The following MINDY3 variants were observed in gnomAD, a reference collection of about 807,000 sequenced individuals.
MINDY3 encodes ubiquitin carboxyl-terminal hydrolase MINDY-3.
MINDY3 carries 38 observed loss-of-function variants against 69.2 expected under a neutral mutation model. That is an observed-to-expected ratio of 0.55 (90% CI 0.42 to 0.72). The LOEUF is 0.72. MINDY3 is among the 30% of genes least tolerant of loss of function. MINDY3 has a pLI of 0.00. For synonymous variants in MINDY3, 192 were observed against 180.1 expected (o/e 1.07, Z -0.53); for missense variants, 522 against 519.0 (o/e 1.01, Z -0.06).
intron 3 of MINDY3, among the ~76,000 whole-genome samples, chr10:15,842,515 T>G (rs117462331): frequency 6.6e-6 from 1 of 151,886 alleles, no homozygotes; most frequent in Admixed American, 6.6e-5. Context: ...TTAAAACTTA[T>G]GGAAGTGATC....
At chr10:15,853,029 A>C (rs1834414123) in intron 1 of MINDY3, among the ~76,000 whole-genome samples, 1 of 152,142 alleles carries the variant, frequency 6.6e-6, no homozygotes, top group South Asian at 2.1e-4. Context: ...AATACTGCAG[A>C]GCGTCTATGG....
At chr10:15,820,495 T>A (rs1170067788) in intron 9 of MINDY3, among the ~76,000 whole-genome samples, 2 of 152,154 alleles carry the variant, frequency 1.3e-5, no homozygotes, top group East Asian at 3.9e-4. Context: ...GATCTACGAA[T>A]GTGTGTGTAT....
At chr10:15,812,095 C>T (rs1839040683) in intron 10 of MINDY3, among the ~76,000 whole-genome samples, 1 of 152,056 alleles carries the variant, frequency 6.6e-6, no homozygotes, top group Admixed American at 6.6e-5. Flanking sequence ...GTGCCCAGCA[C>T]CACGCCTGGG....
chr10:15,837,586 A>G, intron 5 of MINDY3: 1 of 1,368,686 alleles, frequency 7.3e-7, no homozygotes, highest in African/African-American at 1.5e-5. Context: ...GTCTGGCATC[A>G]GTAAATTCTT....
chr10:15,820,628 T>C (rs1358676615), intron 9 of MINDY3, among the ~76,000 whole-genome samples: 2 of 152,226 alleles, frequency 1.3e-5, no homozygotes. Flanking sequence ...TTTAACCATA[T>C]GATCACTACT....
intron 13 of MINDY3, among the ~76,000 whole-genome samples, chr10:15,785,685 CAGTT>C (rs1836900776): frequency 2.0e-5 from 3 of 152,264 alleles, no homozygotes; most frequent in East Asian, 3.9e-4. Context: ...GTGATATCCT[CAGTT>C]ACTTTTTGAA....
chr10:15,859,846 A>ACAGCACCCT (rs1834965421), intron 1 of MINDY3, among the ~76,000 whole-genome samples: 1 of 152,242 alleles, frequency 6.6e-6, no homozygotes, highest in Non-Finnish European at 1.5e-5. Context: ...GTTAGGGGGT[A>ACAGCACCCT]AAGATGCGGA....
intron 8 of MINDY3, among the ~76,000 whole-genome samples, chr10:15,827,514 GC>G (rs1245854182): frequency 1.3e-5 from 2 of 151,808 alleles, no homozygotes; most frequent in Non-Finnish European, 2.9e-5. Context: ...CTGCACTCCA[GC>G]CTGGGTGACA....
chr10:15,849,651 G>A (rs1485138480), intron 1 of MINDY3, among the ~76,000 whole-genome samples: 2 of 152,094 alleles, frequency 1.3e-5, no homozygotes, highest in Non-Finnish European at 2.9e-5. Context: ...AAAGAAATTA[G>A]AGCTGTTTCT....
chr10:15,818,637 G>T (rs1839539447), intron 9 of MINDY3, among the ~76,000 whole-genome samples: 1 of 152,042 alleles, frequency 6.6e-6, no homozygotes. Context: ...ACATACAAAA[G>T]AATATTATTT....
At position 15,845,948 on chromosome 10, in the gene MINDY3, G is replaced by C. The variant is rs547424544; in HGVS notation, c.174+1916C>G. 5.3e-5 allele frequency among the ~76,000 whole-genome samples: 8 copies of C among 149,786 alleles called. No homozygotes were observed. The Admixed American group carries it at 5.4e-4, about 10-fold the overall frequency. On this transcript the variant is annotated intron_variant, in intron 2 of 14. Transcript: ENST00000277632. Reference sequence around the variant, plus strand: ...AGTGATTCTCCTGCATCAGTTTCCCGAGTAGCTGGGATTACAGGCGCCTGC... The same window carrying C: ...AGTGATTCTCCTGCATCAGTTTCCCCAGTAGCTGGGATTACAGGCGCCTGC...
chr10:15,806,194 C>T (rs181722148), intron 10 of MINDY3, among the ~76,000 whole-genome samples: 1 of 152,218 alleles, frequency 6.6e-6, no homozygotes, highest in African/African-American at 2.4e-5. Context: ...TTGCTTGTGC[C>T]ACATGTACTC....
chr10:15,809,613 C>CG (rs1344799943), intron 10 of MINDY3, among the ~76,000 whole-genome samples: 2 of 152,072 alleles, frequency 1.3e-5, no homozygotes, highest in Non-Finnish European at 2.9e-5. Context: ...GGTCCATTTA[C>CG]GTACTGCATT....
In MINDY3 at chr10:15,778,439, T is replaced by A. The variant is rs1836269447; in HGVS notation, c.*553A>T. 1 of 152,294 alleles carries A rather than the reference T, an allele frequency of 6.6e-6. No homozygotes were observed. 9.4% of individuals were successfully genotyped at this position (152,294 alleles called of 1,614,324 possible). The stretch of plus-strand genomic sequence containing the variant: ...TCTGTGAATAAATGGTAATGGTCTC[T>A]TAGAGTTTCTACTTTTTGTGAACAT... On this transcript the variant is annotated 3_prime_UTR_variant, in exon 15 of 15. Coordinates refer to ENST00000277632, the MANE Select transcript of MINDY3 (RefSeq NM_024948.4).
intron 2 of MINDY3, among the ~76,000 whole-genome samples, chr10:15,845,674 AT>A (rs1353427101): frequency 3.4e-3 from 473 of 137,346 alleles, no homozygotes; most frequent in Middle Eastern, 3.6e-3. Context: ...AATTTTTTCA[AT>A]TTTTTTTTTT....
At chr10:15,848,168 C>G (rs1208326025) in intron 1 of MINDY3, among the ~76,000 whole-genome samples, 1 of 152,080 alleles carries the variant, frequency 6.6e-6, no homozygotes, top group Non-Finnish European at 1.5e-5. Context: ...AATTTTGCAC[C>G]CAGGAACTCC....
chr10:15,826,944 A>C (rs1246844081), intron 8 of MINDY3, among the ~76,000 whole-genome samples: 1 of 151,994 alleles, frequency 6.6e-6, no homozygotes. Flanking sequence ...CATTTTTGGA[A>C]AATACTAGAG....
chr10:15,790,197 G>A (rs1237279520), intron 11 of MINDY3, among the ~76,000 whole-genome samples: 1 of 151,950 alleles, frequency 6.6e-6, no homozygotes, highest in African/African-American at 2.4e-5. Flanking sequence ...GCTCTTTCAG[G>A]GTGTGGAATT....
intron 11 of MINDY3, among the ~76,000 whole-genome samples, chr10:15,792,670 T>C (rs1463257573): frequency 6.6e-6 from 1 of 152,094 alleles, no homozygotes; most frequent in Non-Finnish European, 1.5e-5. Flanking sequence ...AGACAAAATA[T>C]GGCTGTCAAC....
Sources: gnomAD v4.1 joint callset for allele counts (sites outside exome capture counted in the v4.1 genomes callset) on GRCh38, gnomAD v4.1.1 for gene constraint, MANE v1.5 for transcripts, NCBI Gene and HGNC (gene_info 2026-07-23, HGNC 2026-07-21) for gene names.